KIAA1958: variants seen among roughly 807,000 people sequenced by gnomAD.
KIAA1958 encodes KIAA1958, also known as uncharacterized protein KIAA1958.
A neutral mutation model predicts 47.2 loss-of-function variants in KIAA1958; 14 were observed. That is an observed-to-expected ratio of 0.30 (90% CI 0.20 to 0.46). KIAA1958 has a LOEUF of 0.46. Ranked by LOEUF, KIAA1958 falls within the 20% of genes least tolerant of loss-of-function variation. The probability of loss-of-function intolerance (pLI) is 1.00; values close to 1 mark genes in which losing one functional copy is unlikely to be tolerated. For missense variants in KIAA1958, 803 were observed against 909.2 expected, an observed-to-expected ratio of 0.88 and a Z score of 1.50; for synonymous variants, 354 against 353.3, an observed-to-expected ratio of 1.00 and a Z score of -0.02.
At chr9:112,555,037 G>A (rs1379597321) in intron 1 of KIAA1958, among the ~76,000 whole-genome samples, 2 of 152,172 alleles carry the variant, frequency 1.3e-5, no homozygotes, top group African/African-American at 2.4e-5. Context: ...AGATTCTGAC[G>A]ACACAGAAAG....
intron 1 of KIAA1958, among the ~76,000 whole-genome samples, chr9:112,547,833 T>TA (rs1033141313): frequency 6.6e-5 from 10 of 152,106 alleles, no homozygotes; most frequent in African/African-American, 2.4e-4. Flanking sequence ...AAGAAACATT[T>TA]ACAATCTATT....
rs78774917 is a variant in KIAA1958, at chr9:112,589,657, A to G, written c.1171+14406A>G. Among the ~76,000 whole-genome samples the G allele has an allele frequency of 5.2e-3, 793 of 152,336 alleles. 10 individuals are homozygous for G. Among genetic ancestry groups the G allele is most frequent in the African/African-American group, 0.018 (754 of 41,586 alleles). On this transcript the variant is annotated intron_variant, in intron 2 of 3. Coordinates refer to ENST00000337530, the MANE Select transcript of KIAA1958 (RefSeq NM_133465.4). ...TGTGTAAATAGGTTTATGTCCTACT[A>G]GGCCTGAAAGTAGGATGGGATATGT...
intron 2 of KIAA1958, among the ~76,000 whole-genome samples, chr9:112,632,930 AG>A (rs1247996169): frequency 1.4e-5 from 2 of 147,818 alleles, no homozygotes; most frequent in Non-Finnish European, 3.0e-5. Flanking sequence ...TTTTAAAAAA[AG>A]AGCCATTTAG....
intron 1 of KIAA1958, among the ~76,000 whole-genome samples, chr9:112,546,044 G>A (rs78927095): frequency 1.2e-3 from 184 of 151,938 alleles, no homozygotes; most frequent in African/African-American, 4.4e-3. Flanking sequence ...GCAAATTTGT[G>A]TAATATTGAT....
chr9:112,648,994 G>C (rs1198432364), intron 3 of KIAA1958, among the ~76,000 whole-genome samples: 1 of 152,064 alleles, frequency 6.6e-6, no homozygotes, highest in Non-Finnish European at 1.5e-5. Context: ...AATTTAAGTA[G>C]AGACATGGAA....
chr9:112,491,220 C>G (rs1372780591), intron 1 of KIAA1958, among the ~76,000 whole-genome samples: 2 of 152,198 alleles, frequency 1.3e-5, no homozygotes. Context: ...CCTGCCTTGG[C>G]CTCCCAAAGT....
At chr9:112,599,318 TA>T (rs1170608081) in intron 2 of KIAA1958, among the ~76,000 whole-genome samples, 3 of 152,150 alleles carry the variant, frequency 2.0e-5, no homozygotes, top group Non-Finnish European at 2.9e-5. Context: ...AGTGACCCTT[TA>T]AACTTTTTTA....
intron 1 of KIAA1958, among the ~76,000 whole-genome samples, chr9:112,536,486 T>C (rs1834857091): frequency 1.3e-5 from 2 of 152,150 alleles, no homozygotes; most frequent in Admixed American, 6.5e-5. Context: ...AAATTTCTTG[T>C]TAAGTTGTAT....
intron 1 of KIAA1958, among the ~76,000 whole-genome samples, chr9:112,551,442 T>C (rs1410543197): frequency 6.6e-6 from 1 of 152,218 alleles, no homozygotes; most frequent in East Asian, 1.9e-4. Flanking sequence ...TTAGCCAGTA[T>C]CAGAATTTTA....
At chr9:112,566,429 C>T (rs571811246) in intron 1 of KIAA1958, among the ~76,000 whole-genome samples, 1 of 152,054 alleles carries the variant, frequency 6.6e-6, no homozygotes, top group Admixed American at 6.5e-5. Flanking sequence ...TGCCTTGATT[C>T]TGCCACATTT....
intron 2 of KIAA1958, among the ~76,000 whole-genome samples, chr9:112,585,623 G>C (rs1191664696): frequency 6.6e-6 from 1 of 152,220 alleles, no homozygotes. Flanking sequence ...TAGGGTGACA[G>C]TAATCCAGGT....
intron 1 of KIAA1958, among the ~76,000 whole-genome samples, chr9:112,553,302 T>G (rs1835189173): frequency 6.6e-6 from 1 of 151,852 alleles, no homozygotes; most frequent in African/African-American, 2.4e-5. Flanking sequence ...TCCTCCTGGC[T>G]TCAGCCTCCC....
intron 1 of KIAA1958, among the ~76,000 whole-genome samples, chr9:112,525,982 TTCTTCTTCTTCTTCTTC>T (rs1343910493): frequency 0.09 from 58 of 644 alleles, 15 homozygotes; most frequent in African/African-American, 0.53. Flanking sequence ...CTTCTTCTTC[TTCTTCTTCTTCTTCTTC>T]TTTTTTTTTT....
intron 1 of KIAA1958, among the ~76,000 whole-genome samples, chr9:112,543,012 C>T (rs1388392977): frequency 2.0e-5 from 3 of 152,154 alleles, no homozygotes; most frequent in East Asian, 1.9e-4. Flanking sequence ...TGGCTTGCTT[C>T]GGGAGTTCCT....
intron 2 of KIAA1958, among the ~76,000 whole-genome samples, chr9:112,608,515 G>A (rs1427318582): frequency 2.6e-5 from 4 of 152,206 alleles, no homozygotes; most frequent in Admixed American, 6.6e-5. Context: ...TTGGCTGGGT[G>A]TGGTGGTGCA....
At chr9:112,567,946 C>T (rs1026264760) in intron 1 of KIAA1958, among the ~76,000 whole-genome samples, 4 of 104,962 alleles carry the variant, frequency 3.8e-5, no homozygotes, top group African/African-American at 8.1e-5. Context: ...GGCGACAGAG[C>T]GAGAATCCAT....
intron 1 of KIAA1958, among the ~76,000 whole-genome samples, chr9:112,553,288 G>A (rs1300464340): frequency 2.0e-5 from 3 of 151,656 alleles, no homozygotes; most frequent in Non-Finnish European, 4.4e-5. Flanking sequence ...CCAGACTCAA[G>A]CATTCCTCCT....
chr9:112,530,607 CT>C (rs766606050), intron 1 of KIAA1958, among the ~76,000 whole-genome samples: 4 of 152,146 alleles, frequency 2.6e-5, no homozygotes, highest in African/African-American at 7.2e-5. Flanking sequence ...CAGATTTTCT[CT>C]GAATGAATAT....
chr9:112,561,334 G>A (rs991936560), intron 1 of KIAA1958, among the ~76,000 whole-genome samples: 19 of 151,976 alleles, frequency 1.3e-4, no homozygotes, highest in African/African-American at 3.6e-4. Context: ...GATTACAGGC[G>A]TGAGCCACCC....
Sources: gnomAD v4.1 joint callset for allele counts (sites outside exome capture counted in the v4.1 genomes callset) on GRCh38, gnomAD v4.1.1 for gene constraint, MANE v1.5 for transcripts, NCBI Gene and HGNC (gene_info 2026-07-23, HGNC 2026-07-21) for gene names.